The following MEOX2 variants were observed in gnomAD, a reference collection of about 807,000 sequenced individuals.
The protein encoded by MEOX2 is homeobox protein MOX-2.
Under a neutral mutation model 27.0 loss-of-function variants are expected in MEOX2, and 11 were observed. That is an observed-to-expected ratio of 0.41 (90% CI 0.26 to 0.68). The LOEUF (loss-of-function observed/expected upper bound fraction) is 0.68, where lower values mean the gene tolerates loss of function less well. MEOX2 is among the 30% of genes least tolerant of loss of function. MEOX2 has a pLI of 0.33. For synonymous variants in MEOX2, 189 were observed against 155.4 expected (o/e 1.22, Z -1.61); for missense variants, 436 against 385.4 (o/e 1.13, Z -1.10).
At position 15,612,621 on chromosome 7, in the gene MEOX2, A is replaced by C; in HGVS notation, c.691-10T>G. The C allele has an allele frequency of 6.2e-7, 1 of 1,610,144 alleles. No individual in the cohort carries two copies. The highest frequency in any genetic ancestry group is 8.5e-7 in the Non-Finnish European group (1 of 1,176,430). On this transcript the variant is annotated splice_polypyrimidine_tract_variant and intron_variant, in intron 2 of 2. Coordinates refer to ENST00000262041, the MANE Select transcript of MEOX2 (RefSeq NM_005924.5). ...GGAACCAGACTTTCACCTTCAACCA[A>C]GAAAGGGAACAAACAAACAGAAAAA...
intron 1 of MEOX2, chr7:15,676,024 T>C (rs946352865): frequency 6.6e-5 from 10 of 152,226 alleles, no homozygotes; most frequent in African/African-American, 2.2e-4. Context: ...CAAAAGGCAC[T>C]GTAGAAGTCT....
chr7:15,655,880 G>T (rs1781812015), intron 1 of MEOX2, among the ~76,000 whole-genome samples: 1 of 151,680 alleles, frequency 6.6e-6, no homozygotes, highest in South Asian at 2.1e-4. Flanking sequence ...GGTTTATGGT[G>T]TTGTTAAGTT....
At chr7:15,674,923 A>T (rs937821218) in intron 1 of MEOX2, among the ~76,000 whole-genome samples, 5 of 152,152 alleles carry the variant, frequency 3.3e-5, no homozygotes, top group African/African-American at 7.2e-5. Context: ...TAAATTTTTT[A>T]AAATCAATGG....
chr7:15,654,717 G>A (rs1583771861), intron 1 of MEOX2, among the ~76,000 whole-genome samples: 1 of 151,650 alleles, frequency 6.6e-6, no homozygotes, highest in Admixed American at 6.6e-5. Context: ...TATTTAATCA[G>A]CCTTGCAACC....
At chr7:15,648,100 A>G (rs1781678358) in intron 1 of MEOX2, among the ~76,000 whole-genome samples, 1 of 152,088 alleles carries the variant, frequency 6.6e-6, no homozygotes, top group Non-Finnish European at 1.5e-5. Flanking sequence ...TTAATGACAT[A>G]TATTTTTAAT....
chr7:15,623,372 A>G (rs1781249029), intron 2 of MEOX2, among the ~76,000 whole-genome samples: 1 of 152,072 alleles, frequency 6.6e-6, no homozygotes, highest in African/African-American at 2.4e-5. Flanking sequence ...TAATTTAAGT[A>G]TGTGATTTTT....
At chr7:15,644,203 G>T (rs1781607491) in intron 1 of MEOX2, among the ~76,000 whole-genome samples, 1 of 152,044 alleles carries the variant, frequency 6.6e-6, no homozygotes, top group African/African-American at 2.4e-5. Context: ...CATTGTAGCT[G>T]CCCAGCCCAG....
chr7:15,653,460 G>A (rs1005385598), intron 1 of MEOX2, among the ~76,000 whole-genome samples: 7 of 151,846 alleles, frequency 4.6e-5, no homozygotes, highest in Non-Finnish European at 8.8e-5. Context: ...GGTCTTTCAC[G>A]GAGCAAAAAC....
chr7:15,659,737 G>A (rs1385290611), intron 1 of MEOX2, among the ~76,000 whole-genome samples: 4 of 137,362 alleles, frequency 2.9e-5, no homozygotes, highest in African/African-American at 1.1e-4. Flanking sequence ...TCCAGCCTGG[G>A]TGACAGAGCG....
At chr7:15,639,735 T>C (rs1781532061) in intron 1 of MEOX2, among the ~76,000 whole-genome samples, 1 of 152,056 alleles carries the variant, frequency 6.6e-6, no homozygotes. Flanking sequence ...TTTCTCCATG[T>C]TTATTTTTGT....
intron 1 of MEOX2, among the ~76,000 whole-genome samples, chr7:15,649,345 A>C (rs1374131819): frequency 1.3e-5 from 2 of 152,122 alleles, no homozygotes; most frequent in Non-Finnish European, 2.9e-5. Flanking sequence ...GGGAGACATC[A>C]GAAATGGACA....
intron 2 of MEOX2, 151 bp from the exon 3 acceptor site, chr7:15,612,762 A>C: frequency 1.6e-6 from 1 of 640,352 alleles, no homozygotes; most frequent in East Asian, 2.7e-5. Flanking sequence ...ATCCACGTTG[A>C]ATTTAATCAG....
At chr7:15,627,938 A>G (rs1781341900) in intron 1 of MEOX2, among the ~76,000 whole-genome samples, 1 of 151,968 alleles carries the variant, frequency 6.6e-6, no homozygotes, top group Admixed American at 6.6e-5. Flanking sequence ...CCTGAAAATT[A>G]TTTCTGGTAT....
intron 1 of MEOX2, among the ~76,000 whole-genome samples, chr7:15,673,989 A>G (rs1782152785): frequency 6.6e-6 from 1 of 152,162 alleles, no homozygotes; most frequent in African/African-American, 2.4e-5. Context: ...ATATATGTGT[A>G]TGTGTATATA....
chr7:15,651,841 T>C (rs1781736324), intron 1 of MEOX2, among the ~76,000 whole-genome samples: 1 of 152,038 alleles, frequency 6.6e-6, no homozygotes, highest in African/African-American at 2.4e-5. Context: ...AAGCCATACA[T>C]GATTTCAACA....
chr7:15,635,181 C>T (rs567410385), intron 1 of MEOX2, among the ~76,000 whole-genome samples: 2 of 152,074 alleles, frequency 1.3e-5, no homozygotes, highest in African/African-American at 4.8e-5. Flanking sequence ...CTCAAAGTGG[C>T]TGAAGGGCTC....
At chr7:15,621,234 G>C (rs1276099316) in intron 2 of MEOX2, among the ~76,000 whole-genome samples, 2 of 152,184 alleles carry the variant, frequency 1.3e-5, no homozygotes, top group African/African-American at 4.8e-5. Context: ...TAAGTTAGAA[G>C]CTAGAAGATT....
chr7:15,685,761 C>T, intron 1 of MEOX2, 125 bp downstream of exon 1: 2 of 1,351,210 alleles, frequency 1.5e-6, no homozygotes, highest in South Asian at 1.4e-5. Context: ...CCGCAGGAAG[C>T]CACAGAGGGC....
At chr7:15,615,849 G>A (rs1781116022) in intron 2 of MEOX2, among the ~76,000 whole-genome samples, 1 of 151,894 alleles carries the variant, frequency 6.6e-6, no homozygotes, top group Non-Finnish European at 1.5e-5. Context: ...AATCCTGGCA[G>A]AAAAAGAGGA....
Sources: allele counts gnomAD v4.1 joint callset (sites outside exome capture counted in the v4.1 genomes callset), GRCh38; gene constraint gnomAD v4.1.1; transcripts MANE v1.5; gene names NCBI Gene and HGNC (gene_info 2026-07-23, HGNC 2026-07-21).